The following SNX25 variants were observed in gnomAD, a reference collection of about 807,000 sequenced individuals.
SNX25 encodes sorting nexin 25.
A neutral mutation model predicts 113.7 loss-of-function variants in SNX25; 62 were observed. The observed-to-expected ratio is 0.55, with a 90% CI of 0.44 to 0.67. SNX25 has a LOEUF of 0.67. SNX25 is among the 30% of genes least tolerant of loss of function. The pLI, the probability that SNX25 is intolerant of heterozygous loss-of-function variation, is 0.00. For synonymous variants in SNX25, 421 were observed against 436.2 expected (o/e 0.97, Z 0.43); for missense variants, 1,014 against 1,161.0 (o/e 0.87, Z 1.84).
intron 6 of SNX25, among the ~76,000 whole-genome samples, chr4:185,293,259 T>A (rs1209364150): frequency 1.3e-5 from 2 of 152,226 alleles, no homozygotes; most frequent in South Asian, 4.1e-4. Flanking sequence ...AGAATTACCA[T>A]GTGACCTAGC....
At chr4:185,250,901 C>G (rs965399117) in intron 2 of SNX25, among the ~76,000 whole-genome samples, 2 of 151,768 alleles carry the variant, frequency 1.3e-5, no homozygotes, top group African/African-American at 4.8e-5. Flanking sequence ...GAACTCTGTC[C>G]TTAATATTAA....
chr4:185,343,894 A>AGGGGAGGAGTGGGC (rs959652320), intron 12 of SNX25, among the ~76,000 whole-genome samples: 1 of 152,154 alleles, frequency 6.6e-6, no homozygotes, highest in African/African-American at 2.4e-5. Context: ...CATGCTAGCA[A>AGGGGAGGAGTGGGC]GGGGAGGAGT....
chr4:185,305,131 C>T (rs1754279450), intron 6 of SNX25, among the ~76,000 whole-genome samples: 1 of 152,102 alleles, frequency 6.6e-6, no homozygotes, highest in African/African-American at 2.4e-5. Context: ...TGACAATAGT[C>T]TGGAGACATT....
chr4:185,370,852 A>G (rs2095412372), downstream of SNX25: 2 of 1,604,532 alleles, frequency 1.2e-6, no homozygotes, highest in African/African-American at 1.3e-5. Flanking sequence ...AAAAGACATC[A>G]GTTATGGTAA....
intron 1 of SNX25, among the ~76,000 whole-genome samples, chr4:185,228,809 C>T (rs1336824747): frequency 1.3e-5 from 2 of 152,340 alleles, no homozygotes; most frequent in Non-Finnish European, 2.9e-5. Flanking sequence ...AAGCATTTCA[C>T]TAGGCACTTT....
chr4:185,253,441 A>G (rs1324421034), intron 2 of SNX25, among the ~76,000 whole-genome samples: 1 of 144,926 alleles, frequency 6.9e-6, no homozygotes, highest in Non-Finnish European at 1.5e-5. Flanking sequence ...TGTTACATGT[A>G]CATTTCAGAC....
chr4:185,274,261 A>C (rs1429953625), intron 5 of SNX25, among the ~76,000 whole-genome samples: 1 of 152,018 alleles, frequency 6.6e-6, no homozygotes, highest in Non-Finnish European at 1.5e-5. Flanking sequence ...GGATTTCACC[A>C]TATTGGCCAG....
chr4:185,275,647 G>A (rs544135260), intron 5 of SNX25, among the ~76,000 whole-genome samples: 1 of 152,140 alleles, frequency 6.6e-6, no homozygotes, highest in Non-Finnish European at 1.5e-5. Flanking sequence ...TGAATGTTCA[G>A]TGTTTTGAAC....
chr4:185,226,747 T>C (rs7696616), intron 1 of SNX25, among the ~76,000 whole-genome samples: 99,434 of 152,190 alleles, frequency 0.65, 32,597 homozygotes, highest in East Asian at 0.76. Context: ...CACCACACTG[T>C]GCCTTGGAAA....
the SNX25 span, chr4:185,375,714 CT>C: frequency 6.2e-7 from 1 of 1,604,998 alleles, no homozygotes; most frequent in Non-Finnish European, 8.5e-7. Flanking sequence ...TCTAATGCTT[CT>C]TCATACCATC....
chr4:185,281,414 T>G (rs1440600290), intron 5 of SNX25, among the ~76,000 whole-genome samples: 1 of 152,152 alleles, frequency 6.6e-6, no homozygotes, highest in African/African-American at 2.4e-5. Flanking sequence ...AAAATTACTC[T>G]TATTACTCTT....
intron 1 of SNX25, among the ~76,000 whole-genome samples, chr4:185,220,109 AC>A (rs1487631844): frequency 1.3e-5 from 2 of 152,048 alleles, no homozygotes; most frequent in Non-Finnish European, 2.9e-5. Flanking sequence ...TATATTGAGG[AC>A]TTAAGAGATT....
intron 1 of SNX25, among the ~76,000 whole-genome samples, chr4:185,238,265 T>A (rs868171088): frequency 6.6e-6 from 1 of 151,854 alleles, no homozygotes; most frequent in Non-Finnish European, 1.5e-5. Context: ...CTACCATTAG[T>A]AAATGGCAGA....
intron 10 of SNX25, 92 bp from the exon 11 acceptor site, chr4:185,339,287 A>G: frequency 8.2e-7 from 1 of 1,223,168 alleles, no homozygotes; most frequent in Non-Finnish European, 1.2e-6. Flanking sequence ...AACACAGCTG[A>G]TTATTGTGTG....
Position 185,334,036 on chromosome 4 carries a change from CAAAAA to C in SNX25, c.1914+1291_1914+1295del, listed in dbSNP as rs34587614. The stretch of plus-strand genomic sequence containing the variant: ...TGCACTCCAGACTGGGCAATAGTCT[CAAAAA>C]AAAAAAAAAAAAAGTGGCTAGGCGC... On this transcript the variant is annotated intron_variant, in intron 10 of 18. Coordinates refer to ENST00000652585, the MANE Select transcript of SNX25 (RefSeq NM_001378034.2). The surrounding 1 kb of genome is among the most constrained non-coding windows in gnomAD (Gnocchi z 4.2). Among the ~76,000 whole-genome samples the C allele has an allele frequency of 9.6e-6, 1 of 104,396 alleles. No homozygotes were observed. The highest frequency in any genetic ancestry group is 3.5e-5 in the African/African-American group (1 of 28,730). The allele number at this position is 104,396 out of a possible 152,430, so 68.5% of individuals were successfully genotyped here. A position where few individuals can be genotyped will look rare whatever the true frequency, so the allele number is the denominator to read the frequency against.
chr4:185,238,523 G>A (rs78233790), intron 1 of SNX25, among the ~76,000 whole-genome samples: 1,807 of 152,198 alleles, frequency 0.012, 21 homozygotes, highest in Non-Finnish European at 0.019. Context: ...TCGTTGTTTC[G>A]AAAGAGGTCC....
intron 6 of SNX25, among the ~76,000 whole-genome samples, chr4:185,288,434 T>A (rs1751658503): frequency 6.6e-6 from 1 of 152,162 alleles, no homozygotes; most frequent in South Asian, 2.1e-4. Flanking sequence ...TGAAACATAA[T>A]CTTGATGGTC....
upstream of SNX25, among the ~76,000 whole-genome samples, chr4:185,205,828 CTAAA>C (rs1367144212): frequency 6.6e-6 from 1 of 152,190 alleles, no homozygotes; most frequent in Non-Finnish European, 1.5e-5. Flanking sequence ...GCCCCTGTCT[CTAAA>C]TAAATAAACA....
rs574127569 is a variant in SNX25 at position 185,319,478 on chromosome 4, C to T, written c.1345-1255C>T. Among the ~76,000 whole-genome samples the T allele has an allele frequency of 4.7e-5, 7 of 149,210 alleles. No homozygotes were observed. The East Asian group carries it at 1.2e-3, about 25-fold the overall frequency. On this transcript the variant is annotated intron_variant, in intron 7 of 18. Coordinates refer to ENST00000652585, the MANE Select transcript of SNX25 (RefSeq NM_001378034.2). ...CCTGCCACAGTGCTGGGATTACAGT[C>T]GTGAGCCACCACAGCTGGCCTGGGA...
Sources: gnomAD v4.1 joint callset for allele counts (sites outside exome capture counted in the v4.1 genomes callset) on GRCh38, gnomAD v4.1.1 for gene constraint, Gnocchi (gnomAD v3.1) non-coding constraint, MANE v1.5 for transcripts, NCBI Gene and HGNC (gene_info 2026-07-23, HGNC 2026-07-21) for gene names.